PDE4D: variants seen among roughly 807,000 people sequenced by gnomAD.
The protein encoded by PDE4D is 3',5'-cyclic-AMP phosphodiesterase 4D.
Under a neutral mutation model 87.4 loss-of-function variants are expected in PDE4D, and 24 were observed. The observed-to-expected ratio is 0.27, with a 90% CI of 0.20 to 0.39. The LOEUF (loss-of-function observed/expected upper bound fraction) is 0.39. PDE4D is among the 10% of genes least tolerant of loss of function. The probability of loss-of-function intolerance (pLI) is 1.00; values close to 1 mark genes in which losing one functional copy is unlikely to be tolerated. For missense variants in PDE4D, 714 were observed against 1,041.0 expected (o/e 0.69, Z 4.32); for synonymous variants, 384 against 383.2 (o/e 1.00, Z -0.02).
intron 5 of PDE4D, among the ~76,000 whole-genome samples, chr5:59,149,576 T>C (rs1220928175): frequency 6.6e-6 from 1 of 152,144 alleles, no homozygotes; most frequent in East Asian, 1.9e-4. Context: ...AATGGAGATT[T>C]AGGAGAATTT....
intron 5 of PDE4D, chr5:59,157,014 TA>T (rs11444928): frequency 7.6e-3 from 1,446 of 189,616 alleles, no homozygotes; most frequent in Middle Eastern, 0.021. Flanking sequence ...CTTCATTAAT[TA>T]AAAAAAAAAA....
chr5:59,003,746 C>T (rs145173015), intron 6 of PDE4D, among the ~76,000 whole-genome samples: 44 of 152,106 alleles, frequency 2.9e-4, no homozygotes, highest in African/African-American at 9.2e-4. Context: ...GATGAGATGA[C>T]GTATACCAGG....
At chr5:59,769,840 G>A (rs1272112109) in intron 1 of PDE4D, among the ~76,000 whole-genome samples, 8 of 148,680 alleles carry the variant, frequency 5.4e-5, no homozygotes, top group Non-Finnish European at 6.0e-5. Context: ...AATGCATCCA[G>A]AAAAAAAAAA....
At chr5:59,171,934 ATATT>A (rs1313010837) in intron 5 of PDE4D, among the ~76,000 whole-genome samples, 9 of 118,214 alleles carry the variant, frequency 7.6e-5, no homozygotes, top group Admixed American at 1.1e-4. Flanking sequence ...AATAAATATT[ATATT>A]TATTTATATG....
chr5:59,423,218 C>A (rs973774583), intron 1 of PDE4D, among the ~76,000 whole-genome samples: 15 of 152,298 alleles, frequency 9.8e-5, no homozygotes, highest in African/African-American at 3.6e-4. Context: ...TGTTACTCAT[C>A]CTCAGGCCTC....
intron 1 of PDE4D, among the ~76,000 whole-genome samples, chr5:60,432,065 A>G (rs2150116693): frequency 6.7e-6 from 1 of 149,646 alleles, no homozygotes; most frequent in East Asian, 2.0e-4. Context: ...GACCGTGGAA[A>G]GAGAGGGAGA....
chr5:59,711,390 TA>T, intron 1 of PDE4D, among the ~76,000 whole-genome samples: 1 of 151,886 alleles, frequency 6.6e-6, no homozygotes, highest in Non-Finnish European at 1.5e-5. Flanking sequence ...GTAAATTAGC[TA>T]AAAAAATTAA....
intron 1 of PDE4D, among the ~76,000 whole-genome samples, chr5:60,313,736 A>G (rs1264040825): frequency 6.6e-6 from 1 of 152,226 alleles, no homozygotes; most frequent in Non-Finnish European, 1.5e-5. Flanking sequence ...CAAAAAGCTA[A>G]TTCAGCATGA....
intron 1 of PDE4D, among the ~76,000 whole-genome samples, chr5:59,363,759 G>A (rs917801764): frequency 6.6e-6 from 1 of 152,142 alleles, no homozygotes; most frequent in Non-Finnish European, 1.5e-5. Flanking sequence ...CTCCATTGTG[G>A]CTGGCTTACC....
intron 1 of PDE4D, among the ~76,000 whole-genome samples, chr5:60,249,935 T>C (rs572666807): frequency 6.6e-6 from 1 of 152,156 alleles, no homozygotes; most frequent in African/African-American, 2.4e-5. Context: ...TGCCATATAA[T>C]GTGGGAGACA....
intron 2 of PDE4D, among the ~76,000 whole-genome samples, chr5:60,154,405 T>C (rs538362592): frequency 2.6e-5 from 4 of 152,110 alleles, no homozygotes; most frequent in Admixed American, 2.0e-4. Flanking sequence ...GCCTCCTGAG[T>C]AGCTGGGATT....
intron 2 of PDE4D, among the ~76,000 whole-genome samples, chr5:60,095,456 G>A (rs1476499563): frequency 6.6e-6 from 1 of 152,142 alleles, no homozygotes. Flanking sequence ...ATCATTGATG[G>A]ACTTTTGGGT....
At chr5:59,546,682 A>C (rs1220738156) in intron 1 of PDE4D, among the ~76,000 whole-genome samples, 1 of 152,158 alleles carries the variant, frequency 6.6e-6, no homozygotes, top group Middle Eastern at 3.2e-3. Context: ...AGAAATGATT[A>C]CAACTTCAGA....
intron 1 of PDE4D, among the ~76,000 whole-genome samples, chr5:60,442,657 T>C (rs1366286290): frequency 6.6e-6 from 1 of 151,496 alleles, no homozygotes; most frequent in Non-Finnish European, 1.5e-5. Flanking sequence ...ACTATAAAAG[T>C]GGGAATGTAA....
In PDE4D at chr5:60,374,727, A is replaced by C. The variant is rs113638569; in HGVS notation, c.-90+113215T>G. 2.4e-3 allele frequency among the ~76,000 whole-genome samples: 363 copies of C among 152,308 alleles called. 4 individuals carry two copies. The highest frequency in any genetic ancestry group is 8.5e-3 in the African/African-American group (353 of 41,566). ...CATCAGGGCATTGTTCCCAGTTCAA[A>C]AGGGAAAAAAGATGATAAATTAAAT... On this transcript the variant is annotated intron_variant, in intron 1 of 16. Transcript: ENST00000502484.
At chr5:59,074,508 A>C (rs1021093743) in intron 5 of PDE4D, among the ~76,000 whole-genome samples, 19 of 152,214 alleles carry the variant, frequency 1.2e-4, no homozygotes, top group African/African-American at 4.6e-4. Flanking sequence ...CTGTAATCCT[A>C]GCACTTTGGG....
At chr5:59,411,376 G>A (rs1367011884) in intron 1 of PDE4D, among the ~76,000 whole-genome samples, 2 of 152,128 alleles carry the variant, frequency 1.3e-5, no homozygotes, top group Non-Finnish European at 2.9e-5. Flanking sequence ...TTTGACAAGA[G>A]GGCTTTCAAA....
upstream of PDE4D, among the ~76,000 whole-genome samples, chr5:59,896,372 A>G (rs901377509): frequency 6.6e-6 from 1 of 152,176 alleles, no homozygotes; most frequent in Non-Finnish European, 1.5e-5. Context: ...GGAGCTTGAA[A>G]AAAAATGTCT....
In PDE4D at chr5:59,328,289, G is replaced by A. The variant is rs570907173; in HGVS notation, c.456-112321C>T. Among the ~76,000 whole-genome samples the A allele has an allele frequency of 3.9e-5, 6 of 152,106 alleles. No homozygotes were observed. In the South Asian group the frequency reaches 1.2e-3, roughly 32 times the overall value. On this transcript the variant is annotated intron_variant, in intron 1 of 14. Transcript: ENST00000340635. ...GCAGTTTTCACATCTGTAAAAAGGG[G>A]GTAATAATACTACATCCCTCCTATG...
Sources: gnomAD v4.1 joint callset for allele counts (sites outside exome capture counted in the v4.1 genomes callset) on GRCh38, gnomAD v4.1.1 for gene constraint, MANE v1.5 for transcripts, NCBI Gene and HGNC (gene_info 2026-07-23, HGNC 2026-07-21) for gene names.